The following CTCFL variants were observed in gnomAD, a reference collection of about 807,000 sequenced individuals.
The protein encoded by CTCFL is CCCTC-binding factor like, also known as transcriptional repressor CTCFL.
CTCFL carries 36 observed loss-of-function variants against 67.4 expected under a neutral mutation model. That is an observed-to-expected ratio of 0.53 (90% CI 0.41 to 0.71). The LOEUF is 0.71. Ranked by LOEUF, CTCFL falls within the 30% of genes least tolerant of loss-of-function variation. The probability of loss-of-function intolerance (pLI) is 0.00; values close to 1 mark genes in which losing one functional copy is unlikely to be tolerated. For synonymous variants in CTCFL, 324 were observed against 302.3 expected (o/e 1.07, Z -0.75); for missense variants, 786 against 835.2 (o/e 0.94, Z 0.73).
chr20:57,500,047 C>T (rs1600632324), intron 10 of CTCFL: 1 of 984,940 alleles, frequency 1.0e-6, no homozygotes, highest in South Asian at 4.6e-5. Flanking sequence ...CATGTTCTAA[C>T]TTGTCTGAGG....
chr20:57,507,413 G>C, intron 9 of CTCFL: 1 of 609,622 alleles, frequency 1.6e-6, no homozygotes, highest in South Asian at 1.9e-5. Flanking sequence ...GGCCAGGCTG[G>C]TCTTGAGCTC....
intron 8 of CTCFL, among the ~76,000 whole-genome samples, chr20:57,509,965 C>A (rs560383319): frequency 1.3e-5 from 2 of 152,332 alleles, no homozygotes; most frequent in South Asian, 4.1e-4. Flanking sequence ...TGCTCCAGGG[C>A]CCCTCATCCT....
intron 8 of CTCFL, 51 bp from the exon 9 acceptor site, chr20:57,508,839 G>A (rs750192478): frequency 6.7e-7 from 1 of 1,497,866 alleles, no homozygotes; most frequent in East Asian, 2.3e-5. Flanking sequence ...GGGTTTTCTC[G>A]ATATTAGACA....
chr20:57,502,418 A>C (rs570280358), intron 10 of CTCFL, among the ~76,000 whole-genome samples: 36 of 152,346 alleles, frequency 2.4e-4, no homozygotes, highest in African/African-American at 7.9e-4. Context: ...TTCACTGTGT[A>C]TCTGAAATTC....
Position 57,498,309 on chromosome 20 carries a change from C to T in CTCFL, c.*241G>A. The T allele has an allele frequency of 8.5e-7, 1 of 1,179,986 alleles. No homozygotes were observed. Among genetic ancestry groups the T allele is most frequent in the Non-Finnish European group, 1.0e-6 (1 of 952,726 alleles). 73.1% of individuals were successfully genotyped at this position (1,179,986 alleles called of 1,614,324 possible). A position where few individuals can be genotyped will look rare whatever the true frequency, so the allele number is the denominator to read the frequency against. On this transcript the variant is annotated 3_prime_UTR_variant, in exon 11 of 11. Transcript: ENST00000243914. ...AATGTTTCTTTGAAATATCCAGCTA[C>T]AAACAGGAGAACAATTCTAGACACT...
chr20:57,517,859 A>C (rs1251567306), intron 5 of CTCFL, among the ~76,000 whole-genome samples: 5 of 152,194 alleles, frequency 3.3e-5, no homozygotes, highest in Admixed American at 2.0e-4. Flanking sequence ...CTCCAGGCTT[A>C]GGATCCCCAG....
At position 57,512,748 on chromosome 20, in the gene CTCFL, C is replaced by G; in HGVS notation, c.1335G>C (p.Val445=). The G allele has an allele frequency of 1.2e-6, 2 of 1,614,054 alleles. No homozygotes were observed. The highest frequency in any genetic ancestry group is 1.7e-6 in the Non-Finnish European group (2 of 1,179,908). The change falls in exon 8 of 11, where the codon GTG becomes GTC. Residue 445 remains valine, a synonymous_variant. Transcript: ENST00000243914. ...TGTAAGCATGCAAGTTGCGCATATG[C>G]ACACCTAAAATGGTCACAGAACATT... The part of the protein sequence containing the change: ...TIIARKSDLR[V]HMRNLHAYSA...
chr20:57,499,965 C>T (rs1339885011), intron 10 of CTCFL: 7 of 986,830 alleles, frequency 7.1e-6, no homozygotes, highest in Admixed American at 6.1e-5. Flanking sequence ...GTTGGGGAGC[C>T]CTGCTCTACT....
chr20:57,498,895 A>G (rs1206812655), intron 10 of CTCFL, among the ~76,000 whole-genome samples, 194 bp from the exon 11 acceptor site: 1 of 152,136 alleles, frequency 6.6e-6, no homozygotes, highest in African/African-American at 2.4e-5. Flanking sequence ...TCTTAGCCTC[A>G]GCGCTACAGA....
Position 57,523,289 on chromosome 20 carries a change from A to G in CTCFL, c.544-11T>C. On this transcript the variant is annotated splice_polypyrimidine_tract_variant and intron_variant, in intron 2 of 10. Coordinates refer to ENST00000243914, the MANE Select transcript of CTCFL (RefSeq NM_001386993.1). ...CTGCTCTTCCTCGAGCTAATAAACA[A>G]CAAATATTCAAATATGATACTATTG... The G allele has an allele frequency of 6.2e-7, 1 of 1,606,500 alleles. No homozygotes were observed.
At chr20:57,506,272 T>TG (rs1284020685) in intron 9 of CTCFL, among the ~76,000 whole-genome samples, 1 of 152,198 alleles carries the variant, frequency 6.6e-6, no homozygotes, top group African/African-American at 2.4e-5. Flanking sequence ...TATGTCTTCT[T>TG]TGGAGAAAGG....
downstream of CTCFL, chr20:57,496,177 A>G: frequency 3.9e-6 from 2 of 512,030 alleles, no homozygotes; most frequent in South Asian, 6.1e-5. Flanking sequence ...TGCTGTCCTC[A>G]TGACAGTGGC....
At chr20:57,524,690 C>G (rs1296666245) in intron 1 of CTCFL, 1 of 998,418 alleles carries the variant, frequency 1.0e-6, no homozygotes, top group Non-Finnish European at 1.2e-6. Context: ...CACCCGGCGC[C>G]CAGCGAGGTT....
chr20:57,514,067 G>A (rs1286110591), intron 7 of CTCFL, among the ~76,000 whole-genome samples: 4 of 152,198 alleles, frequency 2.6e-5, no homozygotes, highest in Non-Finnish European at 4.4e-5. Flanking sequence ...CGGATTACAC[G>A]TTACAGGCCC....
intron 9 of CTCFL, among the ~76,000 whole-genome samples, chr20:57,503,947 G>T (rs2068049444): frequency 1.3e-5 from 2 of 150,520 alleles, no homozygotes; most frequent in Non-Finnish European, 3.0e-5. Flanking sequence ...AAAAAAGAAA[G>T]AAAAGAAAAG....
At chr20:57,507,530 G>C (rs919151593) in intron 9 of CTCFL, 2 of 698,936 alleles carry the variant, frequency 2.9e-6, no homozygotes, top group East Asian at 2.7e-5. Context: ...ACTGCAAAAG[G>C]CACCATGGCT....
At chr20:57,514,927 T>C in intron 6 of CTCFL, 186 bp from the exon 7 acceptor site, 1 of 611,266 alleles carries the variant, frequency 1.6e-6, no homozygotes, top group African/African-American at 1.8e-5. Flanking sequence ...TACAGCTGTG[T>C]CCATGATGGA....
In CTCFL at chr20:57,523,848, G is replaced by A; in HGVS notation, c.358C>T (p.Leu120=). The change falls in exon 2 of 11, where the codon CTG becomes TTG. Residue 120 remains leucine, a synonymous_variant. Coordinates refer to ENST00000243914, the MANE Select transcript of CTCFL (RefSeq NM_001386993.1). ...VVVQQPGPGL[L]WLEEGPRQSL... The stretch of plus-strand genomic sequence containing the variant: ...TGCCGGGGCCCTTCCTCAAGCCACA[G>A]CAACCCAGGGCCAGGCTGTTGCACC... The A allele has an allele frequency of 6.2e-7, 1 of 1,613,224 alleles. No homozygotes were observed. The highest frequency in any genetic ancestry group is 8.5e-7 in the Non-Finnish European group (1 of 1,180,034).
chr20:57,499,519 G>C (rs2067810460), intron 10 of CTCFL: 1 of 153,894 alleles, frequency 6.5e-6, no homozygotes, highest in African/African-American at 2.4e-5. Context: ...CCATGGACTG[G>C]TTGGGGTGCG....
Sources: allele counts gnomAD v4.1 joint callset (sites outside exome capture counted in the v4.1 genomes callset), GRCh38; gene constraint gnomAD v4.1.1; transcripts MANE v1.5; gene names NCBI Gene and HGNC (gene_info 2026-07-23, HGNC 2026-07-21).